Variants in GNG10 observed in about 807,000 individuals in gnomAD.
GNG10 encodes G protein subunit gamma 10.
GNG10 carries 7 observed loss-of-function variants against 6.8 expected under a neutral mutation model. That is an observed-to-expected ratio of 1.02 (90% CI 0.58 to 1.92). The LOEUF (loss-of-function observed/expected upper bound fraction) is 1.92, where lower values mean the gene tolerates loss of function less well. Among genes scored for constraint, GNG10 ranks in the 30% most tolerant of loss-of-function variants. GNG10 has a pLI of 0.00. For synonymous variants in GNG10, 28 were observed against 34.8 expected, an observed-to-expected ratio of 0.80 and a Z score of 0.69; for missense variants, 57 against 86.1, an observed-to-expected ratio of 0.66 and a Z score of 1.34.
rs1326050312 is a variant in GNG10, at chr9:111,663,979, T to A, written c.81+2264T>A. ...GGGATTACGGGCACCTGCCACCACG[T>A]CCACTAATTGGCTTTTTTTTTTTTT... is the stretch of plus-strand genomic sequence containing the variant. On this transcript the variant is annotated intron_variant, in intron 1 of 2. Transcript: ENST00000374293. Among the ~76,000 whole-genome samples, 5 of 150,130 alleles carry A rather than the reference T, an allele frequency of 3.3e-5. No homozygotes were observed. The East Asian group carries it at 9.8e-4, about 29-fold the overall frequency.
chr9:111,667,232 T>C (rs576723501), intron 2 of GNG10, among the ~76,000 whole-genome samples: 11 of 144,860 alleles, frequency 7.6e-5, no homozygotes, highest in East Asian at 4.6e-4. Context: ...TTTCTTCCTT[T>C]CTTTCTTTCT....
intron 1 of GNG10, among the ~76,000 whole-genome samples, chr9:111,663,021 C>T (rs1830846659): frequency 6.6e-6 from 1 of 150,934 alleles, no homozygotes; most frequent in Non-Finnish European, 1.5e-5. Flanking sequence ...GGAGACAGGG[C>T]TACGGGGGGG....
rs909432453 is a variant in GNG10 at position 111,669,450 on chromosome 9, G to C, written c.*188G>C. On this transcript the variant is annotated 3_prime_UTR_variant, in exon 3 of 3. Transcript: ENST00000374293. Reference sequence around the variant, plus strand: ...TACTTGAGTGAGAAAACTGGGTGAAGGAATAGAATTTTAAATAGTAATAAC... The same window carrying C: ...TACTTGAGTGAGAAAACTGGGTGAACGAATAGAATTTTAAATAGTAATAAC... The C allele has an allele frequency of 1.3e-5, 2 of 151,730 alleles. No homozygotes were observed. Among genetic ancestry groups the C allele is most frequent in the East Asian group, 1.9e-4 (1 of 5,148 alleles). The allele number at this position is 151,730 out of a possible 1,614,324, so 9.4% of individuals were successfully genotyped here.
intron 1 of GNG10, among the ~76,000 whole-genome samples, chr9:111,664,815 C>A (rs1830874033): frequency 6.6e-6 from 1 of 152,118 alleles, no homozygotes; most frequent in African/African-American, 2.4e-5. Context: ...GTCCTTCCAC[C>A]TACCATGTGT....
chr9:111,661,809 C>G lies in GNG10; in HGVS notation c.81+94C>G. 1.5e-6 allele frequency: 1 copy of G among 672,452 alleles called. No individual in the cohort carries two copies. 41.7% of individuals were successfully genotyped at this position (672,452 alleles called of 1,614,324 possible). A position where few individuals can be genotyped will look rare whatever the true frequency, so the allele number is the denominator to read the frequency against. On this transcript the variant is annotated intron_variant, in intron 1 of 2. Transcript: ENST00000374293. The surrounding 1 kb of genome is among the most constrained non-coding windows in gnomAD (Gnocchi z 6.1). ...CCGGACCGGGCGCCAGCGGGGGACT[C>G]GGTGGCGGCGGCGAGGCCTCGGCGG...
At chr9:111,662,182 G>A (rs532670960) in intron 1 of GNG10, among the ~76,000 whole-genome samples, 36 of 152,308 alleles carry the variant, frequency 2.4e-4, no homozygotes, top group Admixed American at 4.6e-4. Flanking sequence ...GTAGAGAGGA[G>A]GGGGAACAGG....
Position 111,661,801 on chromosome 9 carries a change from G to A in GNG10, c.81+86G>A. 1 of 768,646 alleles carries A rather than the reference G, an allele frequency of 1.3e-6. No homozygotes were observed. The highest frequency in any genetic ancestry group is 1.7e-6 in the Non-Finnish European group (1 of 582,780). The allele number at this position is 768,646 out of a possible 1,614,324, so 47.6% of individuals were successfully genotyped here. A position where few individuals can be genotyped will look rare whatever the true frequency, so the allele number is the denominator to read the frequency against. Reference sequence around the variant, plus strand: ...CCGGCGGCCCGGACCGGGCGCCAGCGGGGGACTCGGTGGCGGCGGCGAGGC... The same window carrying A: ...CCGGCGGCCCGGACCGGGCGCCAGCAGGGGACTCGGTGGCGGCGGCGAGGC... On this transcript the variant is annotated intron_variant, in intron 1 of 2. Transcript: ENST00000374293. This position sits in a 1 kb window ranked among gnomAD's most constrained non-coding sequence, Gnocchi z 6.1.
chr9:111,666,914 G>T lies in GNG10; in HGVS notation c.181G>T (p.Glu61Ter). ...TCCAGCTGGAAGTAACCCCTTCCGG[G>T]AGCCTAGATCCTGTGCTTTACTCTG... ...GVPAGSNPFR[E>*]PRSCALL Residue 61 changes from glutamate (E) to a stop codon, truncating the protein, a stop_gained, in exon 2 of 3, where the codon GAG becomes TAG. Coordinates refer to ENST00000374293, the MANE Select transcript of GNG10 (RefSeq NM_001017998.4). LOFTEE classifies it high-confidence loss of function. 1.2e-6 allele frequency: 2 copies of T among 1,614,074 alleles called. No homozygotes were observed. The highest frequency in any genetic ancestry group is 1.7e-6 in the Non-Finnish European group (2 of 1,179,984).
chr9:111,667,900 A>G (rs1830930003), intron 2 of GNG10, among the ~76,000 whole-genome samples: 2 of 152,110 alleles, frequency 1.3e-5, no homozygotes. Context: ...TCTGTCACCC[A>G]GGCTGGAGTG....
chr9:111,665,230 A>C (rs1589356332), intron 1 of GNG10, among the ~76,000 whole-genome samples: 2 of 143,122 alleles, frequency 1.4e-5, no homozygotes, highest in South Asian at 4.3e-4. Flanking sequence ...CTTTTAATGC[A>C]AAAAAAAAAA....
At chr9:111,665,782 A>G (rs1232094131) in intron 1 of GNG10, among the ~76,000 whole-genome samples, 1 of 151,728 alleles carries the variant, frequency 6.6e-6, no homozygotes, top group Non-Finnish European at 1.5e-5. Flanking sequence ...CTTGGAGTGC[A>G]ATGGTGCGAT....
intron 2 of GNG10, 103 bp downstream of exon 2, chr9:111,667,049 A>G: frequency 6.7e-7 from 1 of 1,500,782 alleles, no homozygotes; most frequent in Non-Finnish European, 8.9e-7. Context: ...TTCTTGGGGA[A>G]ATTAAAACAA....
intron 1 of GNG10, among the ~76,000 whole-genome samples, chr9:111,663,821 CTTTT>C (rs5899961): frequency 1.4e-5 from 2 of 144,806 alleles, no homozygotes; most frequent in African/African-American, 2.5e-5. Context: ...GAAAGATATT[CTTTT>C]TTTTTTTTTT....
At chr9:111,664,525 G>A (rs1028916074) in intron 1 of GNG10, among the ~76,000 whole-genome samples, 1 of 152,140 alleles carries the variant, frequency 6.6e-6, no homozygotes, top group Non-Finnish European at 1.5e-5. Context: ...CTTTAGAGGA[G>A]CCTCACAGAA....
chr9:111,664,365 T>A (rs12376497), intron 1 of GNG10, among the ~76,000 whole-genome samples: 1 of 151,952 alleles, frequency 6.6e-6, no homozygotes, highest in Non-Finnish European at 1.5e-5. Context: ...TCCTCATTCA[T>A]TGTTGGATGT....
intron 1 of GNG10, among the ~76,000 whole-genome samples, chr9:111,662,716 C>A (rs1025970024): frequency 2.6e-5 from 4 of 152,086 alleles, no homozygotes; most frequent in African/African-American, 9.7e-5. Context: ...AGCAACTTAA[C>A]GGATACATAG....
rs1830966211 is a variant in GNG10, at chr9:111,669,481, G to A, written c.*219G>A. ...GAATTTTAAATAGTAATAACTGCTT[G>A]TTTTTTTTGTGCAAGTACTTTTATA... is the stretch of plus-strand genomic sequence containing the variant. On this transcript the variant is annotated 3_prime_UTR_variant, in exon 3 of 3. Coordinates refer to ENST00000374293, the MANE Select transcript of GNG10 (RefSeq NM_001017998.4). 1 of 151,158 alleles carries A rather than the reference G, an allele frequency of 6.6e-6. No homozygotes were observed. The highest frequency in any genetic ancestry group is 2.4e-5 in the African/African-American group (1 of 41,028). The allele number at this position is 151,158 out of a possible 1,614,324, so 9.4% of individuals were successfully genotyped here. A position where few individuals can be genotyped will look rare whatever the true frequency, so the allele number is the denominator to read the frequency against.
At chr9:111,664,532 A>G (rs1392050457) in intron 1 of GNG10, among the ~76,000 whole-genome samples, 1 of 152,156 alleles carries the variant, frequency 6.6e-6, no homozygotes, top group African/African-American at 2.4e-5. Context: ...GGAGCCTCAC[A>G]GAAGTTGCTG....
chr9:111,662,276 C>T (rs10981000), intron 1 of GNG10, among the ~76,000 whole-genome samples: 4,060 of 152,066 alleles, frequency 0.027, 190 homozygotes, highest in African/African-American at 0.093. Context: ...GCCTGAAGCT[C>T]AGCGCCCAGG....
Sources: allele counts gnomAD v4.1 joint callset (sites outside exome capture counted in the v4.1 genomes callset), GRCh38; gene constraint gnomAD v4.1.1; non-coding constraint Gnocchi (gnomAD v3.1); transcripts MANE v1.5; gene names NCBI Gene and HGNC (gene_info 2026-07-23, HGNC 2026-07-21).